Variants in SLC4A4 observed in about 807,000 individuals in gnomAD.
SLC4A4 encodes solute carrier family 4 member 4.
SLC4A4 carries 27 observed loss-of-function variants against 111.5 expected under a neutral mutation model. The observed-to-expected ratio is 0.24, with a 90% CI of 0.18 to 0.33. The LOEUF is 0.33. Ranked by LOEUF, SLC4A4 falls within the 10% of genes least tolerant of loss-of-function variation. The pLI is 1.00. For synonymous variants in SLC4A4, 443 were observed against 463.4 expected (o/e 0.96, Z 0.57); for missense variants, 909 against 1,315.5 (o/e 0.69, Z 4.78).
At chr4:71,101,855 G>A (rs1390165128) in intron 2 of SLC4A4, among the ~76,000 whole-genome samples, 6 of 151,866 alleles carry the variant, frequency 4.0e-5, no homozygotes, top group South Asian at 4.2e-4. Context: ...ACTCTAAAAC[G>A]CAGAACGCCT....
chr4:71,261,337 C>G (rs976967275), intron 3 of SLC4A4, among the ~76,000 whole-genome samples: 2 of 152,186 alleles, frequency 1.3e-5, no homozygotes, highest in Non-Finnish European at 2.9e-5. Flanking sequence ...TTCTGGATGC[C>G]TGAAATCAAA....
At chr4:71,463,427 T>G (rs1727022232) in intron 12 of SLC4A4, among the ~76,000 whole-genome samples, 1 of 152,176 alleles carries the variant, frequency 6.6e-6, no homozygotes, top group Non-Finnish European at 1.5e-5. Context: ...AATTTCTGTA[T>G]TGTGAAGAGG....
intron 6 of SLC4A4, among the ~76,000 whole-genome samples, chr4:71,385,866 A>C (rs1388809241): frequency 6.6e-6 from 1 of 152,106 alleles, no homozygotes; most frequent in Non-Finnish European, 1.5e-5. Flanking sequence ...ACATCACTGC[A>C]CAGTGGACAT....
chr4:71,478,484 C>A (rs945520776), intron 14 of SLC4A4, among the ~76,000 whole-genome samples: 2 of 151,810 alleles, frequency 1.3e-5, no homozygotes, highest in Non-Finnish European at 2.9e-5. Context: ...TGGAAACCAT[C>A]ATTCTCAGCA....
At chr4:71,322,540 T>C (rs1312137794) in intron 3 of SLC4A4, among the ~76,000 whole-genome samples, 1 of 152,042 alleles carries the variant, frequency 6.6e-6, no homozygotes, top group Non-Finnish European at 1.5e-5. Context: ...TTCCTAATGT[T>C]GATGAGAATT....
chr4:71,234,066 CT>C (rs1719632708), intron 1 of SLC4A4, among the ~76,000 whole-genome samples: 1 of 152,186 alleles, frequency 6.6e-6, no homozygotes, highest in Non-Finnish European at 1.5e-5. Context: ...TTGCTGTTCC[CT>C]TTGCTTGGAA....
At chr4:71,183,852 A>G (rs1388577524), upstream of SLC4A4, among the ~76,000 whole-genome samples, 1 of 152,222 alleles carries the variant, frequency 6.6e-6, no homozygotes, top group Non-Finnish European at 1.5e-5. Flanking sequence ...ATCTCTGATC[A>G]GTCTTTGACG....
chr4:71,342,720 TCCC>T (rs1228756211), intron 4 of SLC4A4, among the ~76,000 whole-genome samples: 4 of 152,194 alleles, frequency 2.6e-5, no homozygotes, highest in African/African-American at 9.7e-5. Context: ...TAATTCCTGG[TCCC>T]AGAAAGGTAG....
intron 3 of SLC4A4, among the ~76,000 whole-genome samples, chr4:71,278,866 C>T (rs1219800417): frequency 6.6e-6 from 1 of 152,110 alleles, no homozygotes; most frequent in African/African-American, 2.4e-5. Context: ...GGACATTAAT[C>T]CCTTATCAGA....
At chr4:71,555,053 A>G in intron 20 of SLC4A4, 87 bp from the exon 21 acceptor site, 1 of 960,268 alleles carries the variant, frequency 1.0e-6, no homozygotes, top group East Asian at 2.4e-5. Flanking sequence ...TTTTAGTTTT[A>G]GATTTAGCCT....
At chr4:71,263,480 G>T (rs997233113) in intron 3 of SLC4A4, among the ~76,000 whole-genome samples, 5 of 152,178 alleles carry the variant, frequency 3.3e-5, no homozygotes, top group Non-Finnish European at 5.9e-5. Context: ...TAGCATATTT[G>T]TTGAGTGGAT....
intron 24 of SLC4A4, 118 bp from the exon 25 acceptor site, chr4:71,566,886 T>C: frequency 1.4e-6 from 1 of 736,470 alleles, no homozygotes; most frequent in South Asian, 1.7e-5. Context: ...TTGAAATGCC[T>C]AAACTTGTCT....
intron 3 of SLC4A4, among the ~76,000 whole-genome samples, chr4:71,308,140 A>G (rs1169646036): frequency 6.6e-6 from 1 of 152,146 alleles, no homozygotes; most frequent in East Asian, 1.9e-4. Flanking sequence ...TTCATGTTAT[A>G]TGCTCAAGCC....
At chr4:71,176,594 A>C (rs1340400861) in intron 2 of SLC4A4, among the ~76,000 whole-genome samples, 2 of 152,230 alleles carry the variant, frequency 1.3e-5, no homozygotes, top group Admixed American at 6.5e-5. Flanking sequence ...GGAAGCTCAA[A>C]TGAATGAAAT....
chr4:71,321,414 A>T (rs1177690296), intron 3 of SLC4A4, among the ~76,000 whole-genome samples: 1 of 152,170 alleles, frequency 6.6e-6, no homozygotes, highest in African/African-American at 2.4e-5. Context: ...TTTCTCAAGC[A>T]GTCGAACTCA....
rs1054249008 is a variant in SLC4A4, at chr4:71,157,757, G to A, written c.-2+64965G>A. ...GCCTTTTGGATATTACACTACACATGTAAGAATCTTTGTAAGAGGAGGCCT... is the reference window on the plus strand; with the variant it reads ...GCCTTTTGGATATTACACTACACATATAAGAATCTTTGTAAGAGGAGGCCT... On this transcript the variant is annotated intron_variant, in intron 2 of 26. Coordinates refer to the SLC4A4 transcript ENST00000649996. Among the ~76,000 whole-genome samples, 11 of 152,228 alleles carry A rather than the reference G, an allele frequency of 7.2e-5. No individual in the cohort carries two copies. In the East Asian group the frequency reaches 1.9e-3, roughly 27 times the overall value.
chr4:71,509,750 A>G (rs1244291921), intron 16 of SLC4A4, among the ~76,000 whole-genome samples: 1 of 152,180 alleles, frequency 6.6e-6, no homozygotes, highest in African/African-American at 2.4e-5. Context: ...CTGTTCAGTG[A>G]CTTTCCTGCT....
chr4:71,465,416 ATAT>A (rs1727215219), intron 12 of SLC4A4, among the ~76,000 whole-genome samples: 1 of 151,588 alleles, frequency 6.6e-6, no homozygotes, highest in South Asian at 2.1e-4. Context: ...TCTTCATAAA[ATAT>A]TATTTTATGT....
chr4:71,276,140 A>G (rs1038087538), intron 3 of SLC4A4, among the ~76,000 whole-genome samples: 1 of 152,172 alleles, frequency 6.6e-6, no homozygotes, highest in Non-Finnish European at 1.5e-5. Flanking sequence ...AGCCTTTTTA[A>G]TTTTGAGAAA....
Sources: allele counts gnomAD v4.1 joint callset (sites outside exome capture counted in the v4.1 genomes callset), GRCh38; gene constraint gnomAD v4.1.1; transcripts MANE v1.5; gene names NCBI Gene and HGNC (gene_info 2026-07-23, HGNC 2026-07-21).